The following ZNF121 variants were observed in gnomAD, a reference collection of about 807,000 sequenced individuals.
ZNF121 encodes the protein zinc finger protein 121.
ZNF121 carries 1 observed loss-of-function variant against 2.4 expected under a neutral mutation model. The ratio of observed to expected loss-of-function variants is 0.41; its 90% CI spans 0.15 to 1.94. ZNF121 has a LOEUF of 1.94. Ranked by LOEUF, ZNF121 falls within the 30% of genes most tolerant of loss-of-function variation. The probability of loss-of-function intolerance (pLI) is 0.30; values close to 1 mark genes in which losing one functional copy is unlikely to be tolerated. For missense variants in ZNF121, 369 were observed against 466.3 expected, an observed-to-expected ratio of 0.79 and a Z score of 1.92; for synonymous variants, 173 against 158.6, an observed-to-expected ratio of 1.09 and a Z score of -0.68.
chr19:9,572,575 A>G (rs1475216650), intron 1 of ZNF121, among the ~76,000 whole-genome samples: 1 of 152,130 alleles, frequency 6.6e-6, no homozygotes, highest in African/African-American at 2.4e-5. Flanking sequence ...GGAGCACCAT[A>G]CTGTAGGGGT....
chr19:9,579,032 AC>A (rs1436672895), intron 1 of ZNF121, among the ~76,000 whole-genome samples: 3 of 152,154 alleles, frequency 2.0e-5, no homozygotes, highest in Admixed American at 2.0e-4. Flanking sequence ...AGGTCAGAAT[AC>A]TTGTTTCTCA....
In ZNF121 at chr19:9,566,782, T is replaced by C; in HGVS notation, c.331A>G (p.Asn111Asp). 1 of 1,614,222 alleles carries C rather than the reference T, an allele frequency of 6.2e-7. No homozygotes were observed. Among genetic ancestry groups the C allele is most frequent in the Non-Finnish European group, 8.5e-7 (1 of 1,180,040 alleles). The change falls in exon 4 of 4, where the codon AAT (asparagine) becomes GAT (aspartate). Residue 111 changes from asparagine (N) to aspartate (D), a missense_variant. By Grantham distance (23) the Asn-to-Asp change is conservative (BLOSUM62 1). This residue lies in a region of ZNF121 where 168 missense variants were observed against 162.3 expected (regional missense o/e 1.03). Transcript: ENST00000320451. ...SHLQANRITHNGETLYEQKQC... is the reference protein window; with the variant it reads ...SHLQANRITHDGETLYEQKQC... Reference sequence around the variant, plus strand: ...TTCTGTTCATAGAGTGTTTCTCCATTGTGAGTTATCCTATTTGCCTGAAGA... The same window carrying C: ...TTCTGTTCATAGAGTGTTTCTCCATCGTGAGTTATCCTATTTGCCTGAAGA...
intron 1 of ZNF121, among the ~76,000 whole-genome samples, chr19:9,577,290 A>C (rs534623417): frequency 1.2e-4 from 18 of 152,096 alleles, no homozygotes; most frequent in African/African-American, 1.9e-4. Flanking sequence ...CTAAAAAAAA[A>C]CACAAAAGTT....
intron 1 of ZNF121, among the ~76,000 whole-genome samples, chr19:9,574,021 T>C (rs1413298700): frequency 1.4e-5 from 2 of 143,972 alleles, no homozygotes; most frequent in East Asian, 3.9e-4. Context: ...TAATTTTTCT[T>C]TCTTTCTTTT....
intron 1 of ZNF121, among the ~76,000 whole-genome samples, chr19:9,581,281 C>T (rs2074246631): frequency 6.6e-6 from 1 of 152,164 alleles, no homozygotes; most frequent in South Asian, 2.1e-4. Context: ...GGCATGAGAG[C>T]CTTTACTCCT....
At chr19:9,581,994 G>A (rs1336703702) in intron 1 of ZNF121, among the ~76,000 whole-genome samples, 1 of 152,152 alleles carries the variant, frequency 6.6e-6, no homozygotes, top group Non-Finnish European at 1.5e-5. Flanking sequence ...TGAGGTGAAA[G>A]AAAACAAGCA....
At position 9,568,182 on chromosome 19, in the gene ZNF121, T is replaced by C. The variant is rs1278865453; in HGVS notation, c.-78-7A>G. On this transcript the variant is annotated splice_region_variant and splice_polypyrimidine_tract_variant and intron_variant, in intron 2 of 3. Coordinates refer to ENST00000320451, the MANE Select transcript of ZNF121 (RefSeq NM_001008727.5). ...TTGGTTTTAACTTGCCATTCTGAAGTAAAACAGAAAAAAAGAAAAAAAAAT... is the reference window on the plus strand; with the variant it reads ...TTGGTTTTAACTTGCCATTCTGAAGCAAAACAGAAAAAAAGAAAAAAAAAT... The C allele has an allele frequency of 1.4e-6, 2 of 1,387,236 alleles. No individual in the cohort carries two copies. Among genetic ancestry groups the C allele is most frequent in the African/African-American group, 1.5e-5 (1 of 68,338 alleles). The allele number at this position is 1,387,236 out of a possible 1,614,324, so 85.9% of individuals were successfully genotyped here.
chr19:9,575,900 GTAA>G (rs34317089), intron 1 of ZNF121, among the ~76,000 whole-genome samples: 87,841 of 151,608 alleles, frequency 0.58, 27,278 homozygotes, highest in African/African-American at 0.81. Context: ...CTGCAGTGCA[GTAA>G]TAATAGTAGG....
intron 1 of ZNF121, among the ~76,000 whole-genome samples, chr19:9,581,772 G>A (rs1260361386): frequency 1.3e-5 from 2 of 152,116 alleles, no homozygotes; most frequent in African/African-American, 4.8e-5. Context: ...AAGAGCATAC[G>A]TTGAATCAAT....
intron 1 of ZNF121, among the ~76,000 whole-genome samples, chr19:9,579,892 A>C (rs1163589499): frequency 6.6e-6 from 1 of 152,234 alleles, no homozygotes; most frequent in Non-Finnish European, 1.5e-5. Flanking sequence ...TCAAATTATC[A>C]CATGTACTCA....
In ZNF121 at chr19:9,566,466, G is replaced by A. The variant is rs751927304; in HGVS notation, c.647C>T (p.Thr216Ile). Residue 216 changes from threonine to isoleucine, a missense_variant, in exon 4 of 4, where the codon ACT becomes ATT. This residue lies in a region of ZNF121 where 68 missense variants were observed against 105.5 expected (regional missense o/e 0.64). Coordinates refer to ENST00000320451, the MANE Select transcript of ZNF121 (RefSeq NM_001008727.5). Reference protein sequence around the residue: ...GRAFAGRSGLTKHVRIHTGEK... With the variant: ...GRAFAGRSGLIKHVRIHTGEK... Reference sequence around the variant, plus strand: ...TCCAGTGTGTATTCGTACATGTTTAGTAAGGCCTGAGCGCCCAGCGAAGGC... The same window carrying A: ...TCCAGTGTGTATTCGTACATGTTTAATAAGGCCTGAGCGCCCAGCGAAGGC... 2.5e-6 allele frequency: 4 copies of A among 1,613,876 alleles called. No individual in the cohort carries two copies. The highest frequency in any genetic ancestry group is 2.5e-6 in the Non-Finnish European group (3 of 1,179,946).
intron 1 of ZNF121, among the ~76,000 whole-genome samples, chr19:9,574,595 G>A (rs939284835): frequency 6.6e-6 from 1 of 152,198 alleles, no homozygotes; most frequent in African/African-American, 2.4e-5. Flanking sequence ...TCCACTGGCT[G>A]GAATGGAACC....
At chr19:9,577,745 CCAAA>C (rs1165583714) in intron 1 of ZNF121, among the ~76,000 whole-genome samples, 1 of 151,846 alleles carries the variant, frequency 6.6e-6, no homozygotes, top group Non-Finnish European at 1.5e-5. Flanking sequence ...GAAATACTGA[CCAAA>C]AAAAACGAAG....
intron 1 of ZNF121, among the ~76,000 whole-genome samples, chr19:9,583,660 C>G (rs2074264986): frequency 6.6e-6 from 1 of 151,982 alleles, no homozygotes; most frequent in Admixed American, 6.6e-5. Context: ...CCCGCCATCG[C>G]GCCTGGCTAA....
intron 1 of ZNF121, among the ~76,000 whole-genome samples, chr19:9,577,975 G>A (rs958662926): frequency 2.6e-5 from 4 of 151,070 alleles, no homozygotes; most frequent in Non-Finnish European, 5.9e-5. Context: ...GGCAGACCAC[G>A]AGGTCAGGAG....
chr19:9,575,719 G>A (rs921496515), intron 1 of ZNF121, among the ~76,000 whole-genome samples: 1 of 152,028 alleles, frequency 6.6e-6, no homozygotes, highest in African/African-American at 2.4e-5. Flanking sequence ...CTCCAGCCTG[G>A]GCAACAGAGC....
chr19:9,583,356 C>T (rs147212555), intron 1 of ZNF121, among the ~76,000 whole-genome samples: 217 of 151,368 alleles, frequency 1.4e-3, no homozygotes, highest in African/African-American at 4.5e-3. Context: ...GACGGAGTTT[C>T]GCTCTCATCG....
At chr19:9,567,405 T>C (rs904628660) in intron 3 of ZNF121, among the ~76,000 whole-genome samples, 3 of 152,092 alleles carry the variant, frequency 2.0e-5, no homozygotes, top group Non-Finnish European at 2.9e-5. Context: ...AAGCACCAAG[T>C]TTTAAGATAG....
At chr19:9,580,545 A>C (rs1465420841) in intron 1 of ZNF121, among the ~76,000 whole-genome samples, 1 of 152,170 alleles carries the variant, frequency 6.6e-6, no homozygotes, top group East Asian at 1.9e-4. Context: ...AGAACTGTCA[A>C]TAGAGCTACC....
Sources: gnomAD v4.1 joint callset for allele counts (sites outside exome capture counted in the v4.1 genomes callset) on GRCh38, gnomAD v4.1.1 for gene constraint, gnomAD v4.1.1 regional missense constraint, MANE v1.5 for transcripts, NCBI Gene and HGNC (gene_info 2026-07-23, HGNC 2026-07-21) for gene names.